Variants in TNFRSF13B observed in about 807,000 individuals in gnomAD.
The protein encoded by TNFRSF13B is tumor necrosis factor receptor superfamily member 13B.
A neutral mutation model predicts 24.0 loss-of-function variants in TNFRSF13B; 34 were observed. The observed-to-expected ratio is 1.41, with a 90% CI of 1.08 to 1.88. The LOEUF (loss-of-function observed/expected upper bound fraction) is 1.88, where lower values mean the gene tolerates loss of function less well. Among genes scored for constraint, TNFRSF13B ranks in the 40% most tolerant of loss-of-function variants. The pLI is 0.00. For synonymous variants in TNFRSF13B, 173 were observed against 150.3 expected (o/e 1.15, Z -1.10); for missense variants, 415 against 380.8 (o/e 1.09, Z -0.75).
chr17:16,963,636 A>G (rs1275106329), intron 1 of TNFRSF13B, among the ~76,000 whole-genome samples: 3 of 151,732 alleles, frequency 2.0e-5, no homozygotes, highest in Non-Finnish European at 4.4e-5. Context: ...TGCAAGCTCC[A>G]CCTCCTGGGT....
intron 2 of TNFRSF13B, among the ~76,000 whole-genome samples, chr17:16,951,070 T>C (rs779547350): frequency 4.6e-5 from 7 of 152,158 alleles, no homozygotes; most frequent in Non-Finnish European, 7.4e-5. Context: ...TCCATCTATG[T>C]TTGTGGGATG....
At chr17:16,954,834 C>G (rs1037057339) in intron 1 of TNFRSF13B, among the ~76,000 whole-genome samples, 3 of 152,196 alleles carry the variant, frequency 2.0e-5, no homozygotes, top group African/African-American at 7.2e-5. Flanking sequence ...AGTGGGGTCT[C>G]CTTGGACACA....
chr17:16,953,110 T>C (rs565575334), intron 1 of TNFRSF13B, among the ~76,000 whole-genome samples: 1 of 152,328 alleles, frequency 6.6e-6, no homozygotes, highest in African/African-American at 2.4e-5. Flanking sequence ...TTTCCTTCTA[T>C]GCATGTGGTT....
intron 1 of TNFRSF13B, among the ~76,000 whole-genome samples, chr17:16,955,861 T>C (rs762185400): frequency 9.9e-5 from 15 of 152,248 alleles, no homozygotes; most frequent in Non-Finnish European, 1.6e-4. Context: ...GCCTATCACA[T>C]GGTAGTGGCT....
rs201483236 is a variant in TNFRSF13B at position 16,972,004 on chromosome 17, C to T, written c.61+11G>A. The T allele has an allele frequency of 9.9e-5, 160 of 1,613,922 alleles. 1 individual carries two copies. The African/African-American group carries it at 1.1e-3, about 11-fold the overall frequency. On this transcript the variant is annotated intron_variant, in intron 1 of 4. Transcript: ENST00000261652. ...CCACCTGCCCTCCTGCCCTCCTGCC[C>T]GGCTACTCACAGCGCTCCTCCTGGT...
At position 16,967,776 on chromosome 17, in the gene TNFRSF13B, A is replaced by G. The variant is rs528448733; in HGVS notation, c.61+4239T>C. Among the ~76,000 whole-genome samples the G allele has an allele frequency of 2.0e-5, 3 of 147,236 alleles. No individual in the cohort carries two copies. The South Asian group carries it at 6.3e-4, about 31-fold the overall frequency. On this transcript the variant is annotated intron_variant, in intron 1 of 4. Coordinates refer to ENST00000261652, the MANE Select transcript of TNFRSF13B (RefSeq NM_012452.3). The stretch of plus-strand genomic sequence containing the variant: ...CAAAAAAAAAAAAAAAAAAAAAGAA[A>G]GAAAGAAAAAAAAAAGAAACCAAAC...
chr17:16,961,039 A>C (rs1226161643), intron 1 of TNFRSF13B, among the ~76,000 whole-genome samples: 1 of 152,254 alleles, frequency 6.6e-6, no homozygotes. Context: ...ATGCAAATTA[A>C]AACCACAATG....
intron 1 of TNFRSF13B, among the ~76,000 whole-genome samples, chr17:16,957,693 G>T (rs1383746829): frequency 6.6e-6 from 1 of 152,162 alleles, no homozygotes; most frequent in African/African-American, 2.4e-5. Context: ...GTAGTGAAAT[G>T]ATATATTTAA....
rs1266691128 is a variant in TNFRSF13B, at chr17:16,939,579, C to G, written c.850G>C (p.Val284Leu). 1.2e-6 allele frequency: 2 copies of G among 1,613,500 alleles called. No homozygotes were observed. The highest frequency in any genetic ancestry group is 1.1e-5 in the South Asian group (1 of 90,950). The change falls in exon 5 of 5, where the codon GTG (valine) becomes CTG (leucine). Residue 284 changes from valine (V) to leucine (L), a missense_variant. Physicochemically the swap from Val to Leu is conservative, Grantham distance 32. Transcript: ENST00000261652. ...IPDSGLGIVC[V>L]PAQEGGPGA The stretch of plus-strand genomic sequence containing the variant: ...CCTGGGCCCCCCTCCTGGGCAGGCA[C>G]ACACACAATGCCAAGGCCACTGTCT...
chr17:16,965,039 T>C (rs2143684035), intron 1 of TNFRSF13B, among the ~76,000 whole-genome samples: 1 of 152,214 alleles, frequency 6.6e-6, no homozygotes, highest in East Asian at 1.9e-4. Flanking sequence ...TAGTATGAAA[T>C]ATAATGGGTT....
Position 16,948,656 on chromosome 17 carries a change from C to G in TNFRSF13B, c.445+82G>C, listed in dbSNP as rs1216992003. The G allele has an allele frequency of 2.5e-6, 4 of 1,600,848 alleles. No homozygotes were observed. The East Asian group carries it at 8.9e-5, about 36-fold the overall frequency. ...CTCTGGGCTTCATGCATTGTGGACT[C>G]TCCTGTTCTAGGCCTGGCATCAGGC... is the stretch of plus-strand genomic sequence containing the variant. On this transcript the variant is annotated intron_variant, in intron 3 of 4. Coordinates refer to ENST00000261652, the MANE Select transcript of TNFRSF13B (RefSeq NM_012452.3).
At chr17:16,961,906 C>T (rs1391371282) in intron 1 of TNFRSF13B, among the ~76,000 whole-genome samples, 3 of 152,104 alleles carry the variant, frequency 2.0e-5, no homozygotes, top group Non-Finnish European at 4.4e-5. Context: ...AGGGCTTGCT[C>T]CACTGAATCT....
In TNFRSF13B at chr17:16,940,326, C is replaced by T. The variant is rs955888263; in HGVS notation, c.631G>A (p.Asp211Asn). ...PRQSPAKSSQ[D>N]HAMEAGSPVS... The stretch of plus-strand genomic sequence containing the variant: ...GAGGACCCCAGTTTCATGCACTCAC[C>T]CTGGGAAGACTTGGCCGGACTTTGA... Residue 211 changes from aspartate (D) to asparagine (N), a missense_variant and splice_region_variant, in exon 4 of 5, where the codon GAT (aspartate) becomes AAT (asparagine). Physicochemically the swap from Asp to Asn is conservative, Grantham distance 23 (BLOSUM62 1). Coordinates refer to ENST00000261652, the MANE Select transcript of TNFRSF13B (RefSeq NM_012452.3). 1.9e-6 allele frequency: 3 copies of T among 1,613,156 alleles called. No individual in the cohort carries two copies.
At chr17:16,955,289 G>A (rs755932447) in intron 1 of TNFRSF13B, among the ~76,000 whole-genome samples, 50 of 152,210 alleles carry the variant, frequency 3.3e-4, no homozygotes, top group Non-Finnish European at 6.8e-4. Flanking sequence ...TGGTGCCAAC[G>A]AAGACACGCG....
chr17:16,941,066 TATA>T, intron 3 of TNFRSF13B: 1 of 595,794 alleles, frequency 1.7e-6, no homozygotes, highest in South Asian at 6.3e-5. Context: ...CTAGATTACT[TATA>T]ATACCAAATA....
chr17:16,942,207 A>G (rs1168227309), intron 3 of TNFRSF13B, among the ~76,000 whole-genome samples: 1 of 152,030 alleles, frequency 6.6e-6, no homozygotes, highest in African/African-American at 2.4e-5. Flanking sequence ...TTCACACTCC[A>G]TTTTACAGAT....
Position 16,959,379 on chromosome 17 carries a change from A to G in TNFRSF13B, c.62-6796T>C, listed in dbSNP as rs2087646258. Among the ~76,000 whole-genome samples, 3 of 152,054 alleles carry G rather than the reference A, an allele frequency of 2.0e-5. No individual in the cohort carries two copies. In the South Asian group the frequency reaches 6.2e-4, roughly 31 times the overall value. ...ACATACACTGAAAAAGAAGAATCAT[A>G]ACCTGATCATAACTAAATCATAACC... On this transcript the variant is annotated intron_variant, in intron 1 of 4. Transcript: ENST00000261652.
At chr17:16,952,604 G>A (rs1283687407) in intron 1 of TNFRSF13B, 21 bp from the exon 2 acceptor site, 1 of 1,614,022 alleles carries the variant, frequency 6.2e-7, no homozygotes, top group Non-Finnish European at 8.5e-7. Context: ...AGGAGAGTGA[G>A]GGCAGCTGGC....
chr17:16,961,332 G>T (rs975387877), intron 1 of TNFRSF13B, among the ~76,000 whole-genome samples: 1 of 152,198 alleles, frequency 6.6e-6, no homozygotes, highest in Non-Finnish European at 1.5e-5. Flanking sequence ...GCCAAAGGTG[G>T]AAACAGCCCA....
Sources: allele counts gnomAD v4.1 joint callset (sites outside exome capture counted in the v4.1 genomes callset), GRCh38; gene constraint gnomAD v4.1.1; transcripts MANE v1.5; gene names NCBI Gene and HGNC (gene_info 2026-07-23, HGNC 2026-07-21).